UBQLN4: variants seen among roughly 807,000 people sequenced by gnomAD.
UBQLN4 encodes ubiquilin-4.
In UBQLN4, 11 loss-of-function variants were observed where a neutral mutation model predicts 60.4. That is an observed-to-expected ratio of 0.18 (90% confidence interval 0.11 to 0.30). The LOEUF is 0.30. Ranked by LOEUF, UBQLN4 falls within the 10% of genes least tolerant of loss-of-function variation. The pLI is 1.00. For missense variants in UBQLN4, 417 were observed against 795.5 expected (o/e 0.52, Z 5.72); for synonymous variants, 258 against 313.1 (o/e 0.82, Z 1.86).
intron 1 of UBQLN4, 146 bp downstream of exon 1, chr1:156,053,448 T>A: frequency 1.4e-5 from 4 of 278,920 alleles, no homozygotes; most frequent in Non-Finnish European, 2.1e-5. Context: ...CCTACCCGCC[T>A]CTCCTTGCCT....
At chr1:156,053,020 G>C (rs144158060) in intron 1 of UBQLN4, among the ~76,000 whole-genome samples, 21 of 152,274 alleles carry the variant, frequency 1.4e-4, no homozygotes, top group African/African-American at 4.3e-4. Flanking sequence ...GCGGCCACAG[G>C]GGGTGGCGAA....
chr1:156,036,038 T>C lies in UBQLN4; in HGVS notation c.*940A>G, dbSNP rs1192055589. On this transcript the variant is annotated 3_prime_UTR_variant, in exon 11 of 11. Transcript: ENST00000368309. ...CTGGGTCCATGGAAATGTGTGTGTG[T>C]GTGCATATAAGCACATATGCTTGAG... 3.0e-6 allele frequency: 3 copies of C among 985,510 alleles called. No homozygotes were observed. The highest frequency in any genetic ancestry group is 1.7e-5 in the African/African-American group (1 of 57,248). The allele number at this position is 985,510 out of a possible 1,614,324, so 61.0% of individuals were successfully genotyped here. A position where few individuals can be genotyped will look rare whatever the true frequency, so the allele number is the denominator to read the frequency against.
downstream of UBQLN4, among the ~76,000 whole-genome samples, chr1:156,031,410 G>A (rs1246954471): frequency 6.6e-6 from 1 of 152,022 alleles, no homozygotes; most frequent in Non-Finnish European, 1.5e-5. Flanking sequence ...ACTCTCCCAA[G>A]ACCGCATAAG....
At position 156,038,087 on chromosome 1, in the gene UBQLN4, T is replaced by G. The variant is rs964447447; in HGVS notation, c.1654-957A>C. Among the ~76,000 whole-genome samples, 3 of 152,108 alleles carry G rather than the reference T, an allele frequency of 2.0e-5. 1 individual carries two copies. The South Asian group carries it at 6.2e-4, about 32-fold the overall frequency. Reference sequence around the variant, plus strand: ...TTGCCCAGCCAATTAAAAAAAAATTTTTTTTTGGCTGGGCATAGTGGCTCA... The same window carrying G: ...TTGCCCAGCCAATTAAAAAAAAATTGTTTTTTGGCTGGGCATAGTGGCTCA... On this transcript the variant is annotated intron_variant, in intron 10 of 10. Transcript: ENST00000368309.
Position 156,051,741 on chromosome 1 carries a change from C to T in UBQLN4, c.225G>A (p.Gly75=), listed in dbSNP as rs569590656. The T allele has an allele frequency of 1.2e-5, 19 of 1,613,996 alleles. No homozygotes were observed. Among genetic ancestry groups the T allele is most frequent in the South Asian group, 1.1e-4 (10 of 91,068 alleles). The change falls in exon 2 of 11, where the codon GGG becomes GGA. Residue 75 remains glycine, a synonymous_variant. Transcript: ENST00000368309. ...DTLNQHGIKD[G]LTVHLVIKTP... is the part of the protein sequence containing the mutation. The stretch of plus-strand genomic sequence containing the variant: ...TCTTGATGACCAGATGGACAGTGAG[C>T]CCGTCCTTGATTCCGTGCTGGTTCA...
chr1:156,040,061 GA>G (rs1210645713), intron 10 of UBQLN4, among the ~76,000 whole-genome samples: 2 of 151,660 alleles, frequency 1.3e-5, no homozygotes, highest in African/African-American at 4.8e-5. Flanking sequence ...TGGGGTCACA[GA>G]GAAAGTCAGT....
rs73004944 is a variant in UBQLN4 at position 156,048,701 on chromosome 1, G to C, written c.742-42C>G. 1,867 of 1,596,880 alleles carry C rather than the reference G, an allele frequency of 1.2e-3. 22 individuals carry two copies. In the African/African-American group the frequency reaches 0.021, roughly 18 times the overall value. On this transcript the variant is annotated intron_variant, in intron 4 of 10. Coordinates refer to ENST00000368309, the MANE Select transcript of UBQLN4 (RefSeq NM_020131.5). This position sits in a 1 kb window ranked among gnomAD's most constrained non-coding sequence, Gnocchi z 4.9. ...GACAAAATGGGCCCCGGAACCAGGGGAGCACCAACCTAGGAAAAGGGTGGG... is the reference window on the plus strand; with the variant it reads ...GACAAAATGGGCCCCGGAACCAGGGCAGCACCAACCTAGGAAAAGGGTGGG...
intron 10 of UBQLN4, among the ~76,000 whole-genome samples, chr1:156,039,484 A>AGGTGATCT (rs1388070040): frequency 6.6e-6 from 1 of 151,312 alleles, no homozygotes; most frequent in Non-Finnish European, 1.5e-5. Context: ...TCCTGACCTC[A>AGGTGATCT]GGTGATCTGC....
rs1282619511 is a variant in UBQLN4 at position 156,053,673 on chromosome 1, C to G, written c.29G>C (p.Arg10Thr). ...CTTGACGGTGACCCGAATGGGGGGC[C>G]TCGTCTCGGCCCCGCTCGGCTCCGC... Reference protein sequence around the residue: MAEPSGAETRPPIRVTVKTP... With the variant: MAEPSGAETTPPIRVTVKTP... Residue 10 changes from arginine to threonine, a missense_variant, in exon 1 of 11, where the codon AGG becomes ACG. Arg to Thr is a moderately conservative substitution (Grantham distance 71). Transcript: ENST00000368309. 1 of 1,340,472 alleles carries G rather than the reference C, an allele frequency of 7.5e-7. No homozygotes were observed. Among genetic ancestry groups the G allele is most frequent in the African/African-American group, 1.5e-5 (1 of 66,836 alleles). 83.0% of individuals were successfully genotyped at this position (1,340,472 alleles called of 1,614,324 possible). A position where few individuals can be genotyped will look rare whatever the true frequency, so the allele number is the denominator to read the frequency against.
downstream of UBQLN4, among the ~76,000 whole-genome samples, chr1:156,031,681 C>A (rs112010092): frequency 1.3e-3 from 195 of 151,044 alleles, no homozygotes; most frequent in African/African-American, 4.6e-3. Flanking sequence ...CGGGTTCAAG[C>A]AATTCTCCTG....
At chr1:156,041,231 G>A (rs565707784) in intron 10 of UBQLN4, among the ~76,000 whole-genome samples, 21 of 152,292 alleles carry the variant, frequency 1.4e-4, no homozygotes, top group East Asian at 3.8e-4. Context: ...TAAATGAGTC[G>A]TAAATGAGCT....
downstream of UBQLN4, among the ~76,000 whole-genome samples, chr1:156,032,784 G>A (rs1268555768): frequency 6.6e-6 from 1 of 152,132 alleles, no homozygotes; most frequent in Non-Finnish European, 1.5e-5. Flanking sequence ...AGGATGGGTC[G>A]GTGGAGAGCA....
At chr1:156,034,868 T>TATAA (rs1378949483), downstream of UBQLN4, among the ~76,000 whole-genome samples, 2 of 112,280 alleles carry the variant, frequency 1.8e-5, no homozygotes, top group Non-Finnish European at 3.7e-5. Context: ...TATATATATA[T>TATAA]ATAATTTTTT....
intron 10 of UBQLN4, among the ~76,000 whole-genome samples, chr1:156,037,948 C>T (rs1683449884): frequency 6.6e-6 from 1 of 152,098 alleles, no homozygotes; most frequent in Non-Finnish European, 1.5e-5. Flanking sequence ...GGTCTTGCAC[C>T]CAGGCTGGAA....
Position 156,036,094 on chromosome 1 carries a change from C to T in UBQLN4, c.*884G>A, listed in dbSNP as rs1439281399. 2.9e-5 allele frequency: 29 copies of T among 985,434 alleles called. No individual in the cohort carries two copies. The highest frequency in any genetic ancestry group is 1.1e-4 in the East Asian group (1 of 8,972). The allele number at this position is 985,434 out of a possible 1,614,324, so 61.0% of individuals were successfully genotyped here. On this transcript the variant is annotated 3_prime_UTR_variant, in exon 11 of 11. Transcript: ENST00000368309. Reference sequence around the variant, plus strand: ...AAAGCCAATATGACCCCTTGTGGGGCGTGGCGCTTAGCTTCATTGGGCTCC... The same window carrying T: ...AAAGCCAATATGACCCCTTGTGGGGTGTGGCGCTTAGCTTCATTGGGCTCC...
rs376347735 is a variant in UBQLN4, at chr1:156,052,201, T to G, written c.109-344A>C. On this transcript the variant is annotated intron_variant, in intron 1 of 10. Transcript: ENST00000368309. ...CTTCAACAGCTTTGGACCTTCAGCC[T>G]TCTGAGACCCAATTTTCTCTCCTCT... 2.0e-5 allele frequency among the ~76,000 whole-genome samples: 3 copies of G among 152,332 alleles called. No individual in the cohort carries two copies. The East Asian group carries it at 5.8e-4, about 29-fold the overall frequency.
intron 10 of UBQLN4, among the ~76,000 whole-genome samples, chr1:156,038,278 G>A (rs569936165): frequency 3.7e-4 from 56 of 152,300 alleles, no homozygotes; most frequent in Admixed American, 8.5e-4. Context: ...TTGGGAGGCT[G>A]AGGCAGAAGA....
chr1:156,033,426 G>GC (rs1175002258), downstream of UBQLN4: 5 of 402,272 alleles, frequency 1.2e-5, no homozygotes, highest in Non-Finnish European at 1.7e-5. Flanking sequence ...TTCAATCCCT[G>GC]CCCCACTTTA....
At chr1:156,051,899 C>T in intron 1 of UBQLN4, 42 bp from the exon 2 acceptor site, 1 of 1,610,038 alleles carries the variant, frequency 6.2e-7, no homozygotes, top group South Asian at 1.1e-5. Context: ...GCTGCCTGGA[C>T]TCCCCCTACC....
Sources: gnomAD v4.1 joint callset for allele counts (sites outside exome capture counted in the v4.1 genomes callset) on GRCh38, gnomAD v4.1.1 for gene constraint, Gnocchi (gnomAD v3.1) non-coding constraint, MANE v1.5 for transcripts, NCBI Gene and HGNC (gene_info 2026-07-23, HGNC 2026-07-21) for gene names.